The following BRINP1 variants were observed in gnomAD, a reference collection of about 807,000 sequenced individuals.
The protein encoded by BRINP1 is BMP/retinoic acid inducible neural specific 1, also known as BMP/retinoic acid-inducible neural-specific protein 1.
BRINP1 carries 17 observed loss-of-function variants against 72.9 expected under a neutral mutation model. The ratio of observed to expected loss-of-function variants is 0.23; its 90% CI spans 0.16 to 0.35. The LOEUF is 0.35. BRINP1 is among the 10% of genes least tolerant of loss of function. The pLI is 1.00. For synonymous variants in BRINP1, 418 were observed against 378.5 expected, an observed-to-expected ratio of 1.10 and a Z score of -1.21; for missense variants, 850 against 1,001.6, an observed-to-expected ratio of 0.85 and a Z score of 2.04.
At chr9:119,227,236 A>G (rs1176619958) in intron 5 of BRINP1, among the ~76,000 whole-genome samples, 1 of 152,028 alleles carries the variant, frequency 6.6e-6, no homozygotes, top group Non-Finnish European at 1.5e-5. Context: ...AGACCTAAGG[A>G]AGCTCAGAGG....
intron 1 of BRINP1, among the ~76,000 whole-genome samples, chr9:119,344,000 C>G (rs189419846): frequency 3.3e-5 from 5 of 152,274 alleles, no homozygotes; most frequent in South Asian, 2.1e-4. Context: ...CAATCACAAC[C>G]CTTTTAGTTG....
intron 7 of BRINP1, among the ~76,000 whole-genome samples, chr9:119,206,915 C>T (rs1418023195): frequency 6.6e-6 from 1 of 152,184 alleles, no homozygotes; most frequent in East Asian, 1.9e-4. Flanking sequence ...CCTGCTTCAG[C>T]AGCATTGCAA....
chr9:119,272,375 G>T (rs1235230217), intron 2 of BRINP1, among the ~76,000 whole-genome samples: 3 of 152,144 alleles, frequency 2.0e-5, no homozygotes, highest in Admixed American at 2.0e-4. Flanking sequence ...GAGCCACTGC[G>T]CCCGGCAGGA....
intron 1 of BRINP1, among the ~76,000 whole-genome samples, chr9:119,316,870 T>C (rs962586759): frequency 2.0e-5 from 3 of 152,000 alleles, no homozygotes; most frequent in Admixed American, 6.6e-5. Context: ...AGAAATACAT[T>C]TCATGAGGTC....
intron 1 of BRINP1, among the ~76,000 whole-genome samples, chr9:119,324,308 G>A (rs1159697814): frequency 6.6e-6 from 1 of 152,210 alleles, no homozygotes; most frequent in Non-Finnish European, 1.5e-5. Flanking sequence ...TGGTCATGAA[G>A]TGAAGAGCAG....
chr9:119,204,360 G>A (rs935620134), intron 7 of BRINP1, among the ~76,000 whole-genome samples: 6 of 152,164 alleles, frequency 3.9e-5, no homozygotes, highest in African/African-American at 1.2e-4. Flanking sequence ...TTGCCTTCCA[G>A]CCAATATTAA....
Position 119,175,111 on chromosome 9 carries a change from GTA to G in BRINP1, c.1146-6889_1146-6888del, listed in dbSNP as rs534088553. Among the ~76,000 whole-genome samples the G allele has an allele frequency of 4.9e-3, 262 of 53,654 alleles. 1 individual carries two copies. The highest frequency in any genetic ancestry group is 0.04 in the African/African-American group (250 of 6,326). 35.2% of individuals were successfully genotyped at this position (53,654 alleles called of 152,430 possible). On this transcript the variant is annotated intron_variant, in intron 7 of 7. Transcript: ENST00000265922. ...GTGCACATGTACCCTAAAACTTAAAGTAAAGTATAAAAAAAAAAAAAGACAAA... is the reference window on the plus strand; with the variant it reads ...GTGCACATGTACCCTAAAACTTAAAGAAGTATAAAAAAAAAAAAAGACAAA...
chr9:119,325,665 ATGTC>A (rs1831232177), intron 1 of BRINP1, among the ~76,000 whole-genome samples: 1 of 152,150 alleles, frequency 6.6e-6, no homozygotes. Flanking sequence ...GTCTTGCTTC[ATGTC>A]TGTCTACCAC....
chr9:119,167,112 G>A lies in BRINP1; in HGVS notation c.2258C>T (p.Ser753Leu), dbSNP rs561958019. 1.9e-6 allele frequency: 3 copies of A among 1,609,996 alleles called. No individual in the cohort carries two copies. The highest frequency in any genetic ancestry group is 2.2e-5 in the East Asian group (1 of 44,812). ...DLYNTEILKQ[S>L]DQMTAKLC ...GCAGAGTTTGGCTGTCATCTGGTCCGACTGTTTGAGGATCTCCGTGTTGTA... is the reference window on the plus strand; with the variant it reads ...GCAGAGTTTGGCTGTCATCTGGTCCAACTGTTTGAGGATCTCCGTGTTGTA... Residue 753 changes from serine (S) to leucine (L), a missense_variant, in exon 8 of 8, where the codon TCG (serine) becomes TTG (leucine). Transcript: ENST00000265922. This position sits in a 1 kb window ranked among gnomAD's most constrained non-coding sequence, Gnocchi z 4.3.
At chr9:119,301,252 A>G (rs10818294) in intron 2 of BRINP1, among the ~76,000 whole-genome samples, 11,465 of 152,190 alleles carry the variant, frequency 0.075, 519 homozygotes, top group Non-Finnish European at 0.078. Context: ...CAGCTGACCA[A>G]GTTAAAAATG....
At chr9:119,263,096 C>T (rs1399444712) in intron 2 of BRINP1, among the ~76,000 whole-genome samples, 1 of 152,212 alleles carries the variant, frequency 6.6e-6, no homozygotes, top group Non-Finnish European at 1.5e-5. Context: ...CCATCCTGCC[C>T]TTCAGGCCAG....
At chr9:119,339,982 C>T (rs1831390706) in intron 1 of BRINP1, among the ~76,000 whole-genome samples, 1 of 152,134 alleles carries the variant, frequency 6.6e-6, no homozygotes, top group African/African-American at 2.4e-5. Flanking sequence ...CACTCATTCC[C>T]TCTCCCTGCC....
At position 119,169,269 on chromosome 9, in the gene BRINP1, C is replaced by T. The variant is rs1032747318; in HGVS notation, c.1146-1045G>A. 5.3e-5 allele frequency among the ~76,000 whole-genome samples: 8 copies of T among 152,334 alleles called. 1 individual carries two copies. The highest frequency in any genetic ancestry group is 1.9e-4 in the African/African-American group (8 of 41,582). ...GACAGTGGGCGCAGGTCATTGGGTG[C>T]ACGCACCGTGCGCGAGCTGAAGCAG... On this transcript the variant is annotated intron_variant, in intron 7 of 7. Transcript: ENST00000265922.
intron 7 of BRINP1, among the ~76,000 whole-genome samples, chr9:119,186,866 G>A (rs1829627050): frequency 6.6e-6 from 1 of 152,104 alleles, no homozygotes; most frequent in African/African-American, 2.4e-5. Flanking sequence ...TTGGGTAGCT[G>A]TTATGTCCCA....
intron 3 of BRINP1, among the ~76,000 whole-genome samples, chr9:119,246,708 C>T (rs1306478383): frequency 6.6e-6 from 1 of 152,202 alleles, no homozygotes; most frequent in Non-Finnish European, 1.5e-5. Context: ...CCTACAACTT[C>T]CCACCTCCCT....
chr9:119,299,419 G>C (rs1430290346), intron 2 of BRINP1, among the ~76,000 whole-genome samples: 1 of 152,080 alleles, frequency 6.6e-6, no homozygotes, highest in African/African-American at 2.4e-5. Flanking sequence ...TTCAAGACCA[G>C]CCTGACCAAC....
chr9:119,347,415 A>T (rs1465387121), intron 1 of BRINP1, among the ~76,000 whole-genome samples: 1 of 152,174 alleles, frequency 6.6e-6, no homozygotes, highest in Non-Finnish European at 1.5e-5. Context: ...ACAGGATCTT[A>T]CTTTCTTTGT....
chr9:119,358,464 T>A (rs4582629), intron 1 of BRINP1, among the ~76,000 whole-genome samples: 19 of 151,152 alleles, frequency 1.3e-4, no homozygotes, highest in Admixed American at 1.2e-3. Flanking sequence ...GAGGCTGAGG[T>A]GGGCAGATCA....
chr9:119,343,799 C>T (rs1831426382), intron 1 of BRINP1, among the ~76,000 whole-genome samples: 1 of 152,124 alleles, frequency 6.6e-6, no homozygotes, highest in Non-Finnish European at 1.5e-5. Flanking sequence ...TTGGTTGACC[C>T]CAACCCACCT....
Sources: gnomAD v4.1 joint callset for allele counts (sites outside exome capture counted in the v4.1 genomes callset) on GRCh38, gnomAD v4.1.1 for gene constraint, Gnocchi (gnomAD v3.1) non-coding constraint, MANE v1.5 for transcripts, NCBI Gene and HGNC (gene_info 2026-07-23, HGNC 2026-07-21) for gene names.